The following EPHA6 variants were observed in gnomAD, a reference collection of about 807,000 sequenced individuals.
EPHA6 encodes the protein ephrin type-A receptor 6.
EPHA6 carries 50 observed loss-of-function variants against 112.0 expected under a neutral mutation model. The ratio of observed to expected loss-of-function variants is 0.45; its 90% CI spans 0.36 to 0.56. The LOEUF (loss-of-function observed/expected upper bound fraction) is 0.56. Among genes scored for constraint, EPHA6 ranks in the 20% least tolerant of loss-of-function variants. The pLI is 0.00. For missense variants in EPHA6, 1,280 were observed against 1,417.4 expected (o/e 0.90, Z 1.56); for synonymous variants, 529 against 490.7 (o/e 1.08, Z -1.03).
chr3:97,060,139 A>G (rs2108117942), intron 3 of EPHA6, among the ~76,000 whole-genome samples: 1 of 152,254 alleles, frequency 6.6e-6, no homozygotes. Context: ...AAAAAACAAA[A>G]CAAAACAAAC....
chr3:96,828,746 C>G (rs1391753447), intron 1 of EPHA6, among the ~76,000 whole-genome samples: 1 of 152,174 alleles, frequency 6.6e-6, no homozygotes, highest in Non-Finnish European at 1.5e-5. Flanking sequence ...ACCTCCACAG[C>G]TCCATCATTC....
chr3:96,907,545 A>C (rs1042348384), intron 2 of EPHA6, among the ~76,000 whole-genome samples: 1 of 151,660 alleles, frequency 6.6e-6, no homozygotes, highest in African/African-American at 2.4e-5. Context: ...TTGATATTGC[A>C]TCTTTTGTAT....
intron 14 of EPHA6, among the ~76,000 whole-genome samples, chr3:97,687,773 G>A (rs1229668328): frequency 6.6e-6 from 1 of 152,222 alleles, no homozygotes; most frequent in Non-Finnish European, 1.5e-5. Context: ...TCTCATGTGT[G>A]AGTCTGCAGG....
chr3:97,248,713 G>A (rs973148672), intron 5 of EPHA6, among the ~76,000 whole-genome samples: 9 of 152,048 alleles, frequency 5.9e-5, no homozygotes, highest in Admixed American at 3.3e-4. Context: ...CCCACATTGT[G>A]ATTGCAGATT....
At chr3:97,202,523 A>G (rs572646646) in intron 3 of EPHA6, among the ~76,000 whole-genome samples, 31 of 152,056 alleles carry the variant, frequency 2.0e-4, no homozygotes, top group African/African-American at 7.0e-4. Flanking sequence ...TATTGGAGAC[A>G]GGGTTTTGCC....
intron 3 of EPHA6, among the ~76,000 whole-genome samples, chr3:97,128,187 A>G (rs912854873): frequency 4.6e-5 from 7 of 152,148 alleles, no homozygotes; most frequent in Non-Finnish European, 8.8e-5. Context: ...AAAAGGCATG[A>G]TTTTATTCTT....
At chr3:97,291,656 T>C (rs1490700641) in intron 5 of EPHA6, among the ~76,000 whole-genome samples, 1 of 152,226 alleles carries the variant, frequency 6.6e-6, no homozygotes, top group African/African-American at 2.4e-5. Flanking sequence ...AATTTATGCT[T>C]TTATTTGAGA....
intron 14 of EPHA6, among the ~76,000 whole-genome samples, chr3:97,675,591 C>T (rs956393442): frequency 3.9e-4 from 60 of 152,112 alleles, no homozygotes; most frequent in African/African-American, 1.4e-3. Flanking sequence ...CTTCATCAGC[C>T]TAACTTTATA....
chr3:97,105,761 C>A (rs913863442), intron 3 of EPHA6, among the ~76,000 whole-genome samples: 1 of 152,150 alleles, frequency 6.6e-6, no homozygotes, highest in African/African-American at 2.4e-5. Flanking sequence ...ATGTTGAAAT[C>A]TCTCACTATT....
At chr3:97,357,834 T>C (rs6803343) in intron 5 of EPHA6, among the ~76,000 whole-genome samples, 3,817 of 152,192 alleles carry the variant, frequency 0.025, 148 homozygotes, top group African/African-American at 0.084. Context: ...ATTAACAAAA[T>C]CATAAGGAAG....
At chr3:97,466,395 C>G (rs772759061) in intron 7 of EPHA6, 2 of 1,609,046 alleles carry the variant, frequency 1.2e-6, no homozygotes, top group South Asian at 2.2e-5. Context: ...TAATTATTTT[C>G]TCTTGGTTCA....
intron 11 of EPHA6, among the ~76,000 whole-genome samples, chr3:97,562,137 A>G (rs1231162240): frequency 6.6e-6 from 1 of 152,142 alleles, no homozygotes; most frequent in Non-Finnish European, 1.5e-5. Context: ...CTGCTTAGAA[A>G]ACATCCATTC....
At chr3:97,521,819 G>A (rs1255119076) in intron 10 of EPHA6, among the ~76,000 whole-genome samples, 1 of 151,644 alleles carries the variant, frequency 6.6e-6, no homozygotes, top group African/African-American at 2.4e-5. Flanking sequence ...TGTGAGTTTA[G>A]GTCTCATGCC....
chr3:97,191,369 A>AT (rs2077301144), intron 3 of EPHA6, among the ~76,000 whole-genome samples: 1 of 151,978 alleles, frequency 6.6e-6, no homozygotes, highest in Admixed American at 6.6e-5. Flanking sequence ...ATAAATTATT[A>AT]TTGACCATAA....
At chr3:97,690,981 C>T (rs2032626652) in intron 14 of EPHA6, among the ~76,000 whole-genome samples, 1 of 152,086 alleles carries the variant, frequency 6.6e-6, no homozygotes, top group Non-Finnish European at 1.5e-5. Flanking sequence ...ACCACTTGTG[C>T]TTTTGGTGTT....
In EPHA6 at chr3:97,365,547, AATTTTTGT is replaced by A. The variant is rs1399757050; in HGVS notation, c.1607-39588_1607-39581del. On this transcript the variant is annotated intron_variant, in intron 5 of 17. Transcript: ENST00000389672. Reference sequence around the variant, plus strand: ...CTGGCACACGCCACCACACCCAGCTAATTTTTGTATTTTTGTATTTTTAGTAGAGACGG... The same window carrying A: ...CTGGCACACGCCACCACACCCAGCTAATTTTTGTATTTTTAGTAGAGACGG... Among the ~76,000 whole-genome samples, 7 of 151,810 alleles carry A rather than the reference AATTTTTGT, an allele frequency of 4.6e-5. No homozygotes were observed. In the South Asian group the frequency reaches 6.2e-4, roughly 14 times the overall value.
At chr3:97,291,995 G>C (rs576000325) in intron 5 of EPHA6, among the ~76,000 whole-genome samples, 1 of 152,326 alleles carries the variant, frequency 6.6e-6, no homozygotes, top group East Asian at 1.9e-4. Context: ...GAGCAGTGGG[G>C]GGTATGTGAG....
At chr3:96,913,843 T>A (rs2039352608) in intron 2 of EPHA6, among the ~76,000 whole-genome samples, 1 of 152,194 alleles carries the variant, frequency 6.6e-6, no homozygotes, top group Non-Finnish European at 1.5e-5. Flanking sequence ...TTTCTTCTCA[T>A]TGTTTCCTTT....
chr3:96,956,915 C>T (rs2107738228), intron 2 of EPHA6, among the ~76,000 whole-genome samples: 1 of 151,870 alleles, frequency 6.6e-6, no homozygotes, highest in Non-Finnish European at 1.5e-5. Context: ...TGCCTGTAGT[C>T]CCAGATACTC....
Sources: gnomAD v4.1 joint callset for allele counts (sites outside exome capture counted in the v4.1 genomes callset) on GRCh38, gnomAD v4.1.1 for gene constraint, MANE v1.5 for transcripts, NCBI Gene and HGNC (gene_info 2026-07-23, HGNC 2026-07-21) for gene names.